PRR5: variants seen among roughly 807,000 people sequenced by gnomAD.
PRR5 encodes the protein proline-rich protein 5.
A neutral mutation model predicts 30.6 loss-of-function variants in PRR5; 25 were observed. The observed-to-expected ratio is 0.82, with a 90% CI of 0.60 to 1.14. The LOEUF is 1.14. PRR5 is among the 50% of genes most tolerant of loss of function. The pLI, the probability that PRR5 is intolerant of heterozygous loss-of-function variation, is 0.00. For missense variants in PRR5, 600 were observed against 547.1 expected (o/e 1.10, Z -0.96); for synonymous variants, 286 against 247.1 (o/e 1.16, Z -1.48).
intron 5 of PRR5, 68 bp downstream of exon 5, chr22:44,731,889 A>C (rs1922048765): frequency 2.7e-6 from 4 of 1,507,252 alleles, no homozygotes. Flanking sequence ...CTCACTCTAC[A>C]GAGGGGGGCC....
At chr22:44,703,558 C>T (rs1290856523) in intron 1 of PRR5, among the ~76,000 whole-genome samples, 2 of 152,190 alleles carry the variant, frequency 1.3e-5, no homozygotes, top group Admixed American at 1.3e-4. Flanking sequence ...TCTCTTCTGT[C>T]TCTGAGTTGC....
intron 1 of PRR5, among the ~76,000 whole-genome samples, chr22:44,692,775 C>T (rs546952412): frequency 2.8e-4 from 42 of 152,352 alleles, no homozygotes; most frequent in Non-Finnish European, 5.4e-4. Flanking sequence ...CCCTGAGGAG[C>T]CTCAGTCTGC....
chr22:44,682,866 G>A (rs1265224082), intron 1 of PRR5, among the ~76,000 whole-genome samples: 3 of 152,222 alleles, frequency 2.0e-5, no homozygotes, highest in Non-Finnish European at 4.4e-5. Context: ...TGTAGCGGGA[G>A]GTCTGGACAG....
At chr22:44,725,758 G>C (rs917914945) in intron 3 of PRR5, among the ~76,000 whole-genome samples, 2 of 152,158 alleles carry the variant, frequency 1.3e-5, no homozygotes, top group Admixed American at 6.6e-5. Flanking sequence ...TCTGCCTCCC[G>C]GGTTCAAGCG....
At chr22:44,731,542 G>C (rs1009486392) in intron 4 of PRR5, 188 bp from the exon 5 acceptor site, 6 of 611,692 alleles carry the variant, frequency 9.8e-6, no homozygotes, top group Non-Finnish European at 1.8e-5. Context: ...GGAAGACTGA[G>C]GTTAAGCAGT....
At chr22:44,729,201 C>T (rs117068101) in intron 4 of PRR5, 20,884 of 745,936 alleles carry the variant, frequency 0.028, 322 homozygotes, top group Non-Finnish European at 0.032. Context: ...CGGCCGTCCC[C>T]GCGCCAGACA....
At chr22:44,730,075 G>C in intron 4 of PRR5, 1 of 985,440 alleles carries the variant, frequency 1.0e-6, no homozygotes, top group Non-Finnish European at 1.2e-6. Context: ...ATGGGACCCA[G>C]TCCAGCTCGG....
chr22:44,728,908 G>C (rs1404208074), intron 4 of PRR5, among the ~76,000 whole-genome samples: 1 of 152,316 alleles, frequency 6.6e-6, no homozygotes, highest in African/African-American at 2.4e-5. Context: ...GAGCCTGGAG[G>C]AGTGGCCTTG....
chr22:44,732,710 A>C (rs1569111009), intron 6 of PRR5, among the ~76,000 whole-genome samples: 1 of 151,970 alleles, frequency 6.6e-6, no homozygotes, highest in Non-Finnish European at 1.5e-5. Flanking sequence ...GCACACGCAC[A>C]TAGTATGCAC....
chr22:44,699,206 T>C (rs113906845), upstream of PRR5, among the ~76,000 whole-genome samples: 451 of 152,330 alleles, frequency 3.0e-3, 6 homozygotes, highest in African/African-American at 0.01. Context: ...CAGCCCCCTG[T>C]TTCCCTCCTC....
At chr22:44,695,096 A>C (rs912067139) in intron 1 of PRR5, among the ~76,000 whole-genome samples, 1 of 152,008 alleles carries the variant, frequency 6.6e-6, no homozygotes, top group East Asian at 1.9e-4. Flanking sequence ...GCTTGAACCC[A>C]GGAGGCAGAG....
chr22:44,694,075 T>C (rs1422713658), intron 1 of PRR5, among the ~76,000 whole-genome samples: 3 of 152,158 alleles, frequency 2.0e-5, no homozygotes, highest in Admixed American at 2.0e-4. Flanking sequence ...GACTTCAGTG[T>C]CTTTGGAGGA....
chr22:44,688,071 G>A (rs992263882), intron 1 of PRR5, among the ~76,000 whole-genome samples: 5 of 141,790 alleles, frequency 3.5e-5, no homozygotes, highest in Middle Eastern at 3.5e-3. Context: ...CACCGCACCC[G>A]GCCTGAGTTT....
chr22:44,669,320 T>G (rs557440932), intron 1 of PRR5, among the ~76,000 whole-genome samples: 27 of 152,312 alleles, frequency 1.8e-4, no homozygotes, highest in Middle Eastern at 6.8e-3. Context: ...CTGTCCTGGC[T>G]CAGCCTGTGG....
chr22:44,731,430 A>G (rs917901112), intron 4 of PRR5: 1 of 485,686 alleles, frequency 2.1e-6, no homozygotes, highest in Non-Finnish European at 3.8e-6. Context: ...GGCAGCTGTC[A>G]TCTGCCAGGA....
intron 2 of PRR5, among the ~76,000 whole-genome samples, chr22:44,721,013 C>T (rs1293478256): frequency 6.6e-6 from 1 of 152,168 alleles, no homozygotes; most frequent in Non-Finnish European, 1.5e-5. Context: ...CCTTCGTCAG[C>T]ATTCACACCC....
chr22:44,691,888 G>A lies in PRR5; in HGVS notation c.-10-10604G>A, dbSNP rs1367134476. On this transcript the variant is annotated intron_variant, in intron 1 of 8. Coordinates refer to the PRR5 transcript ENST00000006251. The surrounding 1 kb of genome is among the most constrained non-coding windows in gnomAD (Gnocchi z 4.4). The stretch of plus-strand genomic sequence containing the variant: ...CCCTGGTTGGACGCCCCTCCTCCAC[G>A]AGGGAAGCCAGGGCCTTGCCAGTGT... Among the ~76,000 whole-genome samples the A allele has an allele frequency of 6.6e-6, 1 of 151,838 alleles. No homozygotes were observed. Among genetic ancestry groups the A allele is most frequent in the African/African-American group, 2.4e-5 (1 of 41,350 alleles).
chr22:44,720,363 C>T (rs1929742790), intron 2 of PRR5, among the ~76,000 whole-genome samples: 2 of 152,232 alleles, frequency 1.3e-5, no homozygotes, highest in Admixed American at 1.3e-4. Flanking sequence ...AGGGCTCCAA[C>T]CTTGGGTTCC....
rs541763636 is a variant in PRR5 at position 44,730,337 on chromosome 22, G to A, written c.323-1393G>A. On this transcript the variant is annotated intron_variant, in intron 4 of 7. Transcript: ENST00000336985. ...CCAAGATCTCTCTCGCCAGTTGTTCGTCTGGCTTCCAGGGGACAGCAGAGG... is the reference window on the plus strand; with the variant it reads ...CCAAGATCTCTCTCGCCAGTTGTTCATCTGGCTTCCAGGGGACAGCAGAGG... The A allele has an allele frequency of 6.3e-5, 62 of 984,996 alleles. No individual in the cohort carries two copies. In the African/African-American group the frequency reaches 6.8e-4, roughly 11 times the overall value. 61.0% of individuals were successfully genotyped at this position (984,996 alleles called of 1,614,324 possible).
Sources: allele counts gnomAD v4.1 joint callset (sites outside exome capture counted in the v4.1 genomes callset), GRCh38; gene constraint gnomAD v4.1.1; non-coding constraint Gnocchi (gnomAD v3.1); transcripts MANE v1.5; gene names NCBI Gene and HGNC (gene_info 2026-07-23, HGNC 2026-07-21).